Variants in RUNDC3B observed in about 807,000 individuals in gnomAD.
The protein encoded by RUNDC3B is RUN domain-containing protein 3B.
Under a neutral mutation model 58.4 loss-of-function variants are expected in RUNDC3B, and 33 were observed. The ratio of observed to expected loss-of-function variants is 0.56; its 90% CI spans 0.43 to 0.75. The LOEUF (loss-of-function observed/expected upper bound fraction) is 0.75. RUNDC3B is among the 30% of genes least tolerant of loss of function. The probability of loss-of-function intolerance (pLI) is 0.00; values close to 1 mark genes in which losing one functional copy is unlikely to be tolerated. For synonymous variants in RUNDC3B, 193 were observed against 195.2 expected (o/e 0.99, Z 0.10); for missense variants, 501 against 535.7 (o/e 0.94, Z 0.64).
At chr7:87,755,288 T>G (rs1314097815) in intron 6 of RUNDC3B, among the ~76,000 whole-genome samples, 1 of 152,158 alleles carries the variant, frequency 6.6e-6, no homozygotes, top group Non-Finnish European at 1.5e-5. Context: ...CCCAGAGTCC[T>G]GGGATTACAG....
chr7:87,674,833 C>G (rs1227725657), intron 2 of RUNDC3B, among the ~76,000 whole-genome samples: 1 of 152,152 alleles, frequency 6.6e-6, no homozygotes, highest in Non-Finnish European at 1.5e-5. Context: ...CTTTGTCCTA[C>G]AGGCAAGAGC....
At chr7:87,639,060 G>C (rs1822152383) in intron 1 of RUNDC3B, among the ~76,000 whole-genome samples, 1 of 147,994 alleles carries the variant, frequency 6.8e-6, no homozygotes. Flanking sequence ...GCTGAGGCAG[G>C]AGAATGGTGT....
At chr7:87,673,630 G>T (rs1409065072) in intron 2 of RUNDC3B, among the ~76,000 whole-genome samples, 1 of 152,158 alleles carries the variant, frequency 6.6e-6, no homozygotes, top group Non-Finnish European at 1.5e-5. Flanking sequence ...ATATTCCTTA[G>T]ATTCCTTGGA....
chr7:87,670,648 T>C lies in RUNDC3B; in HGVS notation c.238+19711T>C, dbSNP rs71562763. Among the ~76,000 whole-genome samples, 1,121 of 152,358 alleles carry C rather than the reference T, an allele frequency of 7.4e-3. 7 individuals carry two copies. Among genetic ancestry groups the C allele is most frequent in the Middle Eastern group, 0.017 (5 of 294 alleles). ...TGTAGATTAAGTATAGTCAACAGAC[T>C]TCTCTTTTGGATGTTTTCACCAGGC... On this transcript the variant is annotated intron_variant, in intron 2 of 10. Transcript: ENST00000394654.
intron 3 of RUNDC3B, among the ~76,000 whole-genome samples, chr7:87,702,360 G>C (rs1829167370): frequency 6.6e-6 from 1 of 151,704 alleles, no homozygotes; most frequent in African/African-American, 2.4e-5. Flanking sequence ...CCCACTGCAG[G>C]CTAGAACCCC....
chr7:87,793,238 A>G (rs973315928), intron 8 of RUNDC3B, among the ~76,000 whole-genome samples: 1 of 152,264 alleles, frequency 6.6e-6, no homozygotes, highest in South Asian at 2.1e-4. Flanking sequence ...CAAGGACCCA[A>G]TGGCTTCACT....
At position 87,710,585 on chromosome 7, in the gene RUNDC3B, A is replaced by C. The variant is rs762822190; in HGVS notation, c.388A>C (p.Arg130=). Residue 130 remains arginine, a synonymous_variant, in exon 4 of 11, where the codon AGA becomes CGA. Coordinates refer to ENST00000394654, the MANE Select transcript of RUNDC3B (RefSeq NM_001134405.2). ...TTCCTTTTAGGGTAGAGCCTGGATC[A>C]GAGTAGCACTCATGGAAAAACATTT... The part of the protein sequence containing the change: ...SSRAKGRAWI[R]VALMEKHLSE... 6.3e-7 allele frequency: 1 copy of C among 1,583,402 alleles called. No individual in the cohort carries two copies. The highest frequency in any genetic ancestry group is 2.3e-5 in the East Asian group (1 of 44,164).
Position 87,741,547 on chromosome 7 carries a change from A to C in RUNDC3B, c.597A>C (p.Ile199=), listed in dbSNP as rs1352953794. Residue 199 remains isoleucine (I), a synonymous_variant, in exon 6 of 11, where the codon ATA becomes ATC. Transcript: ENST00000394654. ...TGGATGGCAGTTTTCCTGCTGTAAT[A>C]GACTATACACCATATTTGAAGTATA... ...EGLDGSFPAV[I]DYTPYLKYIQ... 1 of 1,588,322 alleles carries C rather than the reference A, an allele frequency of 6.3e-7. No individual in the cohort carries two copies. The highest frequency in any genetic ancestry group is 1.3e-5 in the African/African-American group (1 of 74,276).
intron 7 of RUNDC3B, among the ~76,000 whole-genome samples, chr7:87,775,454 AT>A (rs1233457485): frequency 6.6e-6 from 1 of 152,246 alleles, no homozygotes; most frequent in Non-Finnish European, 1.5e-5. Context: ...TAAAGTAAAA[AT>A]GTTATAGTAA....
chr7:87,651,042 A>G (rs997554379), intron 2 of RUNDC3B, 105 bp downstream of exon 2: 5 of 650,184 alleles, frequency 7.7e-6, no homozygotes, highest in African/African-American at 1.8e-5. Flanking sequence ...CCAACATTCT[A>G]TAATGTGAAA....
Position 87,819,303 on chromosome 7 carries a change from A to C in RUNDC3B, c.1225+3041A>C, listed in dbSNP as rs189668902. ...GTTAGTCTTAGAAGGCCATTACATA[A>C]TGGTAAAGGGATCAATTCAACAAGA... On this transcript the variant is annotated intron_variant, in intron 10 of 10. Coordinates refer to ENST00000394654, the MANE Select transcript of RUNDC3B (RefSeq NM_001134405.2). Among the ~76,000 whole-genome samples the C allele has an allele frequency of 2.0e-5, 3 of 152,270 alleles. No homozygotes were observed. In the East Asian group the frequency reaches 5.8e-4, roughly 29 times the overall value.
intron 6 of RUNDC3B, among the ~76,000 whole-genome samples, chr7:87,756,271 A>G (rs1168262279): frequency 1.3e-5 from 2 of 152,186 alleles, no homozygotes; most frequent in South Asian, 2.1e-4. Context: ...TTAGGGAATC[A>G]TGTAGAACAA....
chr7:87,646,875 G>C (rs948385648), intron 1 of RUNDC3B, among the ~76,000 whole-genome samples: 2 of 152,052 alleles, frequency 1.3e-5, no homozygotes, highest in African/African-American at 4.8e-5. Context: ...TCTGGCATTT[G>C]TCTAACTTGA....
chr7:87,691,726 T>C (rs1828031620), intron 2 of RUNDC3B, among the ~76,000 whole-genome samples: 1 of 152,172 alleles, frequency 6.6e-6, no homozygotes, highest in Admixed American at 6.6e-5. Flanking sequence ...ACCTCATGTT[T>C]TTCCCCCTTC....
intron 6 of RUNDC3B, among the ~76,000 whole-genome samples, chr7:87,767,413 C>T (rs1350284936): frequency 6.6e-6 from 1 of 152,174 alleles, no homozygotes; most frequent in African/African-American, 2.4e-5. Context: ...GGCTTCATTT[C>T]TAGTTGCTTT....
intron 8 of RUNDC3B, among the ~76,000 whole-genome samples, chr7:87,793,167 C>T (rs2130909725): frequency 1.3e-5 from 2 of 151,860 alleles, no homozygotes; most frequent in Middle Eastern, 6.8e-3. Context: ...AAAACCTGAA[C>T]AGATCAATAA....
chr7:87,695,227 G>C lies in RUNDC3B; in HGVS notation c.239-5194G>C, dbSNP rs140554511. On this transcript the variant is annotated intron_variant, in intron 2 of 10. Coordinates refer to ENST00000394654, the MANE Select transcript of RUNDC3B (RefSeq NM_001134405.2). ...GATTTTAGTTAGAAAATGGATCAGT[G>C]TCATAATTTTACCTTCAAAGCTGGA... Among the ~76,000 whole-genome samples, 573 of 152,144 alleles carry C rather than the reference G, an allele frequency of 3.8e-3. 3 individuals carry two copies. Among genetic ancestry groups the C allele is most frequent in the African/African-American group, 0.013 (553 of 41,514 alleles).
chr7:87,788,607 T>C (rs1325570672), intron 8 of RUNDC3B, among the ~76,000 whole-genome samples: 12 of 151,838 alleles, frequency 7.9e-5, no homozygotes, highest in Non-Finnish European at 5.9e-5. Context: ...ATAAAAGAAA[T>C]ATAAACAAGC....
intron 6 of RUNDC3B, among the ~76,000 whole-genome samples, chr7:87,753,107 AT>A (rs1184761075): frequency 1.3e-5 from 2 of 151,966 alleles, no homozygotes; most frequent in African/African-American, 2.4e-5. Flanking sequence ...GAACATCTTT[AT>A]TTCTGCCTTC....
Sources: gnomAD v4.1 joint callset for allele counts (sites outside exome capture counted in the v4.1 genomes callset) on GRCh38, gnomAD v4.1.1 for gene constraint, MANE v1.5 for transcripts, NCBI Gene and HGNC (gene_info 2026-07-23, HGNC 2026-07-21) for gene names.